The following R3HDM1 variants were observed in gnomAD, a reference collection of about 807,000 sequenced individuals.
R3HDM1 encodes R3H domain containing 1.
A neutral mutation model predicts 141.1 loss-of-function variants in R3HDM1; 46 were observed. The ratio of observed to expected loss-of-function variants is 0.33; its 90% CI spans 0.26 to 0.42. The LOEUF is 0.42. Among genes scored for constraint, R3HDM1 ranks in the 10% least tolerant of loss-of-function variants. The pLI is 1.00. For synonymous variants in R3HDM1, 435 were observed against 472.9 expected (o/e 0.92, Z 1.04); for missense variants, 1,184 against 1,368.3 (o/e 0.87, Z 2.12).
chr2:135,602,483 T>G lies in R3HDM1; in HGVS notation c.-249-17T>G. 7.9e-7 allele frequency: 1 copy of G among 1,262,258 alleles called. No individual in the cohort carries two copies. The highest frequency in any genetic ancestry group is 3.5e-5 in the South Asian group (1 of 28,838). 78.2% of individuals were successfully genotyped at this position (1,262,258 alleles called of 1,614,324 possible). ...TTGGCCATTTTGTTAAAATGGTTTC[T>G]TTTGTTTTCATTTTAGGCCACGGAA... On this transcript the variant is annotated splice_polypyrimidine_tract_variant and intron_variant, in intron 1 of 26. Coordinates refer to ENST00000683871, the MANE Select transcript of R3HDM1 (RefSeq NM_001378107.1).
intron 21 of R3HDM1, among the ~76,000 whole-genome samples, chr2:135,694,676 A>G (rs2072972979): frequency 6.6e-6 from 1 of 152,196 alleles, no homozygotes; most frequent in African/African-American, 2.4e-5. Context: ...GGGGAACCCA[A>G]CCAGAGTCTC....
At chr2:135,576,230 T>TA (rs113803099) in intron 1 of R3HDM1, among the ~76,000 whole-genome samples, 115 of 152,024 alleles carry the variant, frequency 7.6e-4, no homozygotes, top group African/African-American at 2.6e-3. Flanking sequence ...AAACCCTGAC[T>TA]AAAAAATTAG....
Position 135,712,428 on chromosome 2 carries a change from ATT to A in R3HDM1, c.2736+2220_2736+2221del, listed in dbSNP as rs34713048. 0.014 allele frequency among the ~76,000 whole-genome samples: 1,438 copies of A among 104,002 alleles called. 83 individuals are homozygous for A. In the East Asian group the frequency reaches 0.19, roughly 14 times the overall value. The allele number at this position is 104,002 out of a possible 152,430, so 68.2% of individuals were successfully genotyped here. A position where few individuals can be genotyped will look rare whatever the true frequency, so the allele number is the denominator to read the frequency against. On this transcript the variant is annotated intron_variant, in intron 23 of 26. Coordinates refer to ENST00000683871, the MANE Select transcript of R3HDM1 (RefSeq NM_001378107.1). ...GCATGCACACCACCATGCCCAACTA[ATT>A]TTTTTTTTTTTTTTTTTTTTTTATA...
At chr2:135,651,468 T>A (rs2065137339) in intron 17 of R3HDM1, 2 of 971,258 alleles carry the variant, frequency 2.1e-6, no homozygotes, top group Non-Finnish European at 2.4e-6. Context: ...TTTTTTAATG[T>A]GAAATGTTGT....
intron 1 of R3HDM1, among the ~76,000 whole-genome samples, chr2:135,576,403 G>A (rs911170825): frequency 2.0e-5 from 3 of 151,970 alleles, no homozygotes; most frequent in Non-Finnish European, 4.4e-5. Context: ...AAATCACTGA[G>A]GTAGAAATTG....
intron 24 of R3HDM1, chr2:135,721,432 C>T (rs1048883522): frequency 6.4e-6 from 1 of 156,194 alleles, no homozygotes; most frequent in Non-Finnish European, 1.4e-5. Context: ...TATGATTGCA[C>T]CACTGCACTC....
chr2:135,618,434 T>C (rs1489860256), intron 5 of R3HDM1, among the ~76,000 whole-genome samples: 1 of 151,296 alleles, frequency 6.6e-6, no homozygotes, highest in African/African-American at 2.4e-5. Context: ...AGTGCTAGGA[T>C]TACAAGTGTG....
At chr2:135,703,225 A>G (rs1003191826) in intron 21 of R3HDM1, among the ~76,000 whole-genome samples, 20 of 152,350 alleles carry the variant, frequency 1.3e-4, no homozygotes, top group Admixed American at 6.5e-4. Flanking sequence ...TTTTTAAGGA[A>G]TATATTAGCC....
At chr2:135,553,389 G>A (rs1700161763) in intron 1 of R3HDM1, among the ~76,000 whole-genome samples, 1 of 152,118 alleles carries the variant, frequency 6.6e-6, no homozygotes, top group Non-Finnish European at 1.5e-5. Context: ...GCAAACAGCA[G>A]TGATTTGTAC....
rs1240383131 is a variant in R3HDM1 at position 135,565,360 on chromosome 2, TTA to T, written c.-250+33729_-250+33730del. ...ATTATTATTATTATTATTATTATTA[TTA>T]TTTTTAAATTTAAGAGACAAGATCT... On this transcript the variant is annotated intron_variant, in intron 1 of 26. Transcript: ENST00000683871. Among the ~76,000 whole-genome samples, 659 of 145,992 alleles carry T rather than the reference TTA, an allele frequency of 4.5e-3. 5 individuals are homozygous for T. Among genetic ancestry groups the T allele is most frequent in the African/African-American group, 0.016 (612 of 38,960 alleles).
chr2:135,667,858 A>G, intron 19 of R3HDM1: 1 of 765,132 alleles, frequency 1.3e-6, no homozygotes, highest in Non-Finnish European at 1.6e-6. Context: ...CTGAATAATT[A>G]GACAAGGAAC....
At chr2:135,722,170 C>A (rs16831978) in intron 25 of R3HDM1, among the ~76,000 whole-genome samples, 164 bp downstream of exon 25, 6,965 of 152,272 alleles carry the variant, frequency 0.046, 549 homozygotes, top group African/African-American at 0.16. Context: ...AGGAGCAGAG[C>A]AAAGGAGAAG....
At chr2:135,701,202 A>G (rs2074144587) in intron 21 of R3HDM1, among the ~76,000 whole-genome samples, 2 of 149,622 alleles carry the variant, frequency 1.3e-5, no homozygotes, top group South Asian at 4.3e-4. Flanking sequence ...CTTGGGCAAC[A>G]TAACAAGACC....
At chr2:135,645,746 A>G (rs1462182234) in intron 16 of R3HDM1, among the ~76,000 whole-genome samples, 15 of 152,214 alleles carry the variant, frequency 9.9e-5, no homozygotes, top group Admixed American at 9.8e-4. Context: ...GAATTGTTTT[A>G]ATCATATGAG....
chr2:135,632,032 T>TTTAG, intron 9 of R3HDM1, 31 bp downstream of exon 9: 3 of 1,464,772 alleles, frequency 2.0e-6, no homozygotes, highest in Non-Finnish European at 2.8e-6. Flanking sequence ...CTACATATTA[T>TTTAG]ATATCTAAAT....
At chr2:135,577,567 A>G (rs1391258934) in intron 1 of R3HDM1, among the ~76,000 whole-genome samples, 1 of 151,902 alleles carries the variant, frequency 6.6e-6, no homozygotes, top group Non-Finnish European at 1.5e-5. Context: ...CAGAGAAATA[A>G]GCTCACGCCT....
intron 19 of R3HDM1, among the ~76,000 whole-genome samples, chr2:135,662,907 C>T (rs1158582278): frequency 6.6e-6 from 1 of 151,852 alleles, no homozygotes; most frequent in Non-Finnish European, 1.5e-5. Flanking sequence ...AGAAATGTAC[C>T]TTCATGCTAC....
At chr2:135,711,609 A>G (rs930629274) in intron 23 of R3HDM1, among the ~76,000 whole-genome samples, 1 of 148,092 alleles carries the variant, frequency 6.8e-6, no homozygotes, top group Non-Finnish European at 1.5e-5. Flanking sequence ...GCAGTGAGCT[A>G]TGATCATGCC....
At chr2:135,711,159 C>T (rs1313601269) in intron 23 of R3HDM1, among the ~76,000 whole-genome samples, 1 of 152,122 alleles carries the variant, frequency 6.6e-6, no homozygotes, top group African/African-American at 2.4e-5. Context: ...AGCCTCTAAC[C>T]CTAGCTACTA....
Sources: allele counts gnomAD v4.1 joint callset (sites outside exome capture counted in the v4.1 genomes callset), GRCh38; gene constraint gnomAD v4.1.1; transcripts MANE v1.5; gene names NCBI Gene and HGNC (gene_info 2026-07-23, HGNC 2026-07-21).